Variants in CLNK observed in about 807,000 individuals in gnomAD.
CLNK encodes cytokine dependent hematopoietic cell linker, also known as cytokine-dependent hematopoietic cell linker.
In CLNK, 74 loss-of-function variants were observed where a neutral mutation model predicts 68.6. The ratio of observed to expected loss-of-function variants is 1.08; its 90% CI spans 0.89 to 1.31. The LOEUF (loss-of-function observed/expected upper bound fraction) is 1.31. Ranked by LOEUF, CLNK falls within the 50% of genes most tolerant of loss-of-function variation. The probability of loss-of-function intolerance (pLI) is 0.00; values close to 1 mark genes in which losing one functional copy is unlikely to be tolerated. For synonymous variants in CLNK, 198 were observed against 172.2 expected (o/e 1.15, Z -1.17); for missense variants, 553 against 515.3 (o/e 1.07, Z -0.71).
intron 2 of CLNK, among the ~76,000 whole-genome samples, chr4:10,658,661 T>C (rs73103705): frequency 1.3e-3 from 191 of 152,256 alleles, no homozygotes; most frequent in African/African-American, 4.5e-3. Context: ...AGAGCGGCCA[T>C]AGCATATGAC....
the CLNK span, among the ~76,000 whole-genome samples, chr4:10,689,967 G>A: frequency 6.6e-6 from 1 of 151,896 alleles, no homozygotes; most frequent in East Asian, 1.9e-4. Context: ...AATTAGCTGT[G>A]ATTTCTGTTT....
intron 2 of CLNK, among the ~76,000 whole-genome samples, chr4:10,611,232 C>T (rs984133419): frequency 4.6e-5 from 7 of 152,158 alleles, no homozygotes; most frequent in South Asian, 2.1e-4. Context: ...GCAGGAGAAT[C>T]GCTTGAACCC....
At chr4:10,550,707 T>C (rs1220607564) in intron 8 of CLNK, among the ~76,000 whole-genome samples, 1 of 152,186 alleles carries the variant, frequency 6.6e-6, no homozygotes, top group Non-Finnish European at 1.5e-5. Flanking sequence ...TTTTTCCTTC[T>C]TCCCAATTTC....
rs1236038615 is a variant in CLNK at position 10,508,000 on chromosome 4, T to C, written c.943A>G (p.Ser315Gly). 6.2e-7 allele frequency: 1 copy of C among 1,611,258 alleles called. No individual in the cohort carries two copies. The highest frequency in any genetic ancestry group is 1.1e-5 in the South Asian group (1 of 90,050). The change falls in exon 17 of 19, where the codon AGC becomes GGC. Residue 315 changes from serine to glycine, a missense_variant. Physicochemically the swap from Ser to Gly is moderately conservative, Grantham distance 56 (BLOSUM62 0). Coordinates refer to ENST00000226951, the MANE Select transcript of CLNK (RefSeq NM_052964.4). ...AATGCCTCTTCCACTGCCTGGCGGC[T>C]GTATTCTCCAATGTACCATTCATTG... is the stretch of plus-strand genomic sequence containing the variant. ...QHNEWYIGEY[S>G]RQAVEEAFMK...
At chr4:10,689,943 A>G in the CLNK span, among the ~76,000 whole-genome samples, 1 of 151,870 alleles carries the variant, frequency 6.6e-6, no homozygotes, top group African/African-American at 2.4e-5. Flanking sequence ...GACACATGCT[A>G]TGAGCCTCCC....
At chr4:10,691,811 T>G in the CLNK span, among the ~76,000 whole-genome samples, 1 of 152,028 alleles carries the variant, frequency 6.6e-6, no homozygotes, top group Non-Finnish European at 1.5e-5. Context: ...AGAATCAGAT[T>G]AGGAAAGAAA....
intron 14 of CLNK, among the ~76,000 whole-genome samples, chr4:10,524,690 C>A (rs1186720873): frequency 6.6e-6 from 1 of 152,134 alleles, no homozygotes; most frequent in African/African-American, 2.4e-5. Context: ...TCGGTCTTTC[C>A]CAGCTTCATG....
intron 16 of CLNK, among the ~76,000 whole-genome samples, chr4:10,512,483 G>T (rs560682030): frequency 6.6e-6 from 1 of 152,010 alleles, no homozygotes; most frequent in East Asian, 1.9e-4. Flanking sequence ...TACCCACCTT[G>T]GCCTCCCAAA....
rs533837586 is a variant in CLNK, at chr4:10,678,735, GACAA to G, written c.-43+5929_-43+5932del. ...CTAGCATTCTTATACACCAATAACA[GACAA>G]ACAGAGAGCCAAATCATGAGTGAAC... On this transcript the variant is annotated intron_variant, in intron 1 of 18. Coordinates refer to ENST00000226951, the MANE Select transcript of CLNK (RefSeq NM_052964.4). Among the ~76,000 whole-genome samples, 246 of 152,128 alleles carry G rather than the reference GACAA, an allele frequency of 1.6e-3. 1 individual carries two copies. Among genetic ancestry groups the G allele is most frequent in the African/African-American group, 5.5e-3 (230 of 41,498 alleles).
intron 8 of CLNK, among the ~76,000 whole-genome samples, chr4:10,556,383 T>A (rs916564526): frequency 1.3e-5 from 2 of 152,224 alleles, no homozygotes; most frequent in Admixed American, 1.3e-4. Flanking sequence ...TCTATGTAGA[T>A]TTTCTTCTAT....
At chr4:10,602,887 G>A (rs1721642362) in intron 2 of CLNK, among the ~76,000 whole-genome samples, 1 of 152,192 alleles carries the variant, frequency 6.6e-6, no homozygotes, top group South Asian at 2.1e-4. Flanking sequence ...CTTTCACTAG[G>A]TGGTGACAAC....
intron 3 of CLNK, among the ~76,000 whole-genome samples, chr4:10,589,141 G>A (rs1721090755): frequency 1.3e-5 from 2 of 152,182 alleles, no homozygotes; most frequent in Non-Finnish European, 2.9e-5. Flanking sequence ...AGGGTGGGAG[G>A]AAACTTTTGG....
intron 4 of CLNK, among the ~76,000 whole-genome samples, chr4:10,584,218 T>G (rs897705275): frequency 6.6e-6 from 1 of 152,232 alleles, no homozygotes; most frequent in Admixed American, 6.5e-5. Context: ...TGCTGAGTGC[T>G]GGTTTTGTAC....
At chr4:10,611,812 C>T (rs1349280389) in intron 2 of CLNK, among the ~76,000 whole-genome samples, 1 of 152,188 alleles carries the variant, frequency 6.6e-6, no homozygotes, top group African/African-American at 2.4e-5. Context: ...TTCCTCCAAT[C>T]CATTCACTGT....
intron 13 of CLNK, 127 bp downstream of exon 13, chr4:10,527,949 C>T (rs1192886749): frequency 2.3e-6 from 1 of 433,580 alleles, no homozygotes; most frequent in Non-Finnish European, 4.0e-6. Context: ...TCATCGTTCA[C>T]ACACATACAT....
the CLNK span, among the ~76,000 whole-genome samples, chr4:10,729,035 T>G: frequency 6.6e-6 from 1 of 152,364 alleles, no homozygotes; most frequent in South Asian, 2.1e-4. Context: ...TCAACCCAGA[T>G]GCATGTTTTA....
intron 8 of CLNK, among the ~76,000 whole-genome samples, chr4:10,542,666 G>A (rs1449851735): frequency 1.4e-5 from 2 of 147,994 alleles, no homozygotes; most frequent in African/African-American, 2.6e-5. Flanking sequence ...ATGTGTGTGT[G>A]TGTGTGTGTG....
chr4:10,511,043 C>CAAATATCTGAGTCTCTGCTTTCAATTCTT (rs1717559328), intron 16 of CLNK, among the ~76,000 whole-genome samples: 1 of 152,220 alleles, frequency 6.6e-6, no homozygotes, highest in Admixed American at 6.5e-5. Flanking sequence ...ATCCCAGATA[C>CAAATATCTGAGTCTCTGCTTTCAATTCTT]TTGGGAGGCT....
chr4:10,674,250 CA>C (rs36029417), intron 1 of CLNK, among the ~76,000 whole-genome samples: 39,644 of 151,978 alleles, frequency 0.26, 5,559 homozygotes, highest in Admixed American at 0.32. Flanking sequence ...TGTGGAGGTA[CA>C]AAGGAGCCCA....
Sources: allele counts gnomAD v4.1 joint callset (sites outside exome capture counted in the v4.1 genomes callset), GRCh38; gene constraint gnomAD v4.1.1; transcripts MANE v1.5; gene names NCBI Gene and HGNC (gene_info 2026-07-23, HGNC 2026-07-21).